The following ANLN variants were observed in gnomAD, a reference collection of about 807,000 sequenced individuals.
ANLN encodes the protein anillin, actin binding protein.
In ANLN, 59 loss-of-function variants were observed where a neutral mutation model predicts 135.1. The observed-to-expected ratio is 0.44, with a 90% CI of 0.35 to 0.54. ANLN has a LOEUF of 0.54. Ranked by LOEUF, ANLN falls within the 20% of genes least tolerant of loss-of-function variation. The pLI is 0.00. For synonymous variants in ANLN, 406 were observed against 456.4 expected (o/e 0.89, Z 1.41); for missense variants, 1,182 against 1,340.0 (o/e 0.88, Z 1.84).
chr7:36,422,283 TTCTCTC>T (rs10560737), intron 13 of ANLN, among the ~76,000 whole-genome samples: 5 of 150,074 alleles, frequency 3.3e-5, no homozygotes, highest in South Asian at 2.1e-4. Context: ...TACACATACA[TTCTCTC>T]TCTCTCTCTC....
At chr7:36,452,419 T>C in intron 23 of ANLN, 58 bp from the exon 24 acceptor site, 4 of 1,606,872 alleles carry the variant, frequency 2.5e-6, no homozygotes, top group Non-Finnish European at 2.6e-6. Flanking sequence ...CAAGAGTACA[T>C]GGGGGTATGG....
chr7:36,449,487 G>T, intron 22 of ANLN, 178 bp from the exon 23 acceptor site: 5 of 489,686 alleles, frequency 1.0e-5, no homozygotes, highest in Non-Finnish European at 1.4e-5. Context: ...TTATTTTTAT[G>T]TCTAGCTAGG....
At chr7:36,414,717 G>A (rs1022881569) in intron 7 of ANLN, among the ~76,000 whole-genome samples, 2 of 152,132 alleles carry the variant, frequency 1.3e-5, no homozygotes, top group Admixed American at 6.5e-5. Context: ...AAATTTTTAT[G>A]TATTTTTTAA....
chr7:36,425,076 T>C (rs1169572314), intron 17 of ANLN, among the ~76,000 whole-genome samples: 1 of 152,162 alleles, frequency 6.6e-6, no homozygotes, highest in African/African-American at 2.4e-5. Flanking sequence ...TTAATAATTA[T>C]GTGGTCACTT....
chr7:36,420,786 A>G (rs914431218), intron 12 of ANLN, 42 bp downstream of exon 12: 7 of 1,605,826 alleles, frequency 4.4e-6, no homozygotes, highest in Non-Finnish European at 6.0e-6. Flanking sequence ...TGTTTCTTGC[A>G]CTAGGCTGTG....
In ANLN at chr7:36,432,282, C is replaced by G. The variant is rs985495490; in HGVS notation, c.2883+5254C>G. On this transcript the variant is annotated intron_variant, in intron 20 of 23. Transcript: ENST00000265748. ...TTCAGGCAGATATCCTTTTTCTTCA[C>G]TGATTTTCTTAATGGTGTCTGGGAA... Among the ~76,000 whole-genome samples, 5 of 152,170 alleles carry G rather than the reference C, an allele frequency of 3.3e-5. No individual in the cohort carries two copies. The South Asian group carries it at 1.0e-3, about 32-fold the overall frequency.
intron 12 of ANLN, among the ~76,000 whole-genome samples, chr7:36,421,656 A>G (rs1027970593): frequency 1.3e-5 from 2 of 152,186 alleles, no homozygotes; most frequent in African/African-American, 4.8e-5. Flanking sequence ...TTTCATAAGG[A>G]ATAATATTTA....
intron 1 of ANLN, among the ~76,000 whole-genome samples, chr7:36,391,148 A>G (rs892422292): frequency 1.3e-5 from 2 of 152,238 alleles, no homozygotes; most frequent in Non-Finnish European, 2.9e-5. Context: ...ATCTTGGGAC[A>G]AATACATCAA....
At position 36,407,916 on chromosome 7, in the gene ANLN, T is replaced by A. The variant is rs1170688442; in HGVS notation, c.1056T>A (p.Ile352=). ...CCAAGGGAGAATTAAGTAGAGAAAT[T>A]TGTCTGCAATCTCAATCTAAAGACA... The part of the protein sequence containing the change: ...VPSKGELSRE[I]CLQSQSKDKS... Residue 352 remains isoleucine, a synonymous_variant, in exon 5 of 24, where the codon ATT becomes ATA. Coordinates refer to ENST00000265748, the MANE Select transcript of ANLN (RefSeq NM_018685.5). 6.2e-7 allele frequency: 1 copy of A among 1,613,724 alleles called. No homozygotes were observed. The highest frequency in any genetic ancestry group is 1.1e-5 in the South Asian group (1 of 91,050).
intron 20 of ANLN, among the ~76,000 whole-genome samples, chr7:36,438,189 G>T (rs1312250178): frequency 6.6e-6 from 1 of 152,150 alleles, no homozygotes; most frequent in Non-Finnish European, 1.5e-5. Context: ...CATCACTCTT[G>T]GTGGGTGTGG....
chr7:36,422,537 T>TA, intron 13 of ANLN, 96 bp from the exon 14 acceptor site: 2 of 1,095,000 alleles, frequency 1.8e-6, no homozygotes, highest in South Asian at 1.8e-5. Context: ...TCTTCGCTGT[T>TA]ACGTACAGTT....
At position 36,410,613 on chromosome 7, in the gene ANLN, T is replaced by C; in HGVS notation, c.1196T>C (p.Ile399Thr). Residue 399 changes from isoleucine to threonine, a missense_variant, in exon 6 of 24, where the codon ATT (isoleucine) becomes ACT (threonine). Physicochemically the swap from Ile to Thr is moderately conservative, Grantham distance 89 (BLOSUM62 -1). Transcript: ENST00000265748. ...CGTAGCACACCCCACAGAACCCCCATTATTACTCCAAATACAAAGGCCATC... is the reference window on the plus strand; with the variant it reads ...CGTAGCACACCCCACAGAACCCCCACTATTACTCCAAATACAAAGGCCATC... ...PARSTPHRTP[I>T]ITPNTKAIQE... is the part of the protein sequence containing the mutation. 1.9e-6 allele frequency: 3 copies of C among 1,614,070 alleles called. No homozygotes were observed. The highest frequency in any genetic ancestry group is 2.5e-6 in the Non-Finnish European group (3 of 1,180,012).
At chr7:36,399,501 TA>T in intron 3 of ANLN, 108 bp downstream of exon 3, 3 of 1,028,524 alleles carry the variant, frequency 2.9e-6, no homozygotes, top group East Asian at 2.7e-5. Context: ...GCTTTTGTTT[TA>T]TCTATATGTT....
Position 36,420,613 on chromosome 7 carries a change from T to G in ANLN, c.2032T>G (p.Ser678Ala). The G allele has an allele frequency of 6.2e-7, 1 of 1,612,958 alleles. No individual in the cohort carries two copies. The highest frequency in any genetic ancestry group is 8.5e-7 in the Non-Finnish European group (1 of 1,179,034). Residue 678 changes from serine (S) to alanine (A), a missense_variant, in exon 12 of 24, where the codon TCT (serine) becomes GCT (alanine). This residue lies in a region of ANLN where 1,022 missense variants were observed against 1,134.0 expected (regional missense o/e 0.90). Coordinates refer to ENST00000265748, the MANE Select transcript of ANLN (RefSeq NM_018685.5). ...DLLYSIDAYRSQRFKETERPS... is the reference protein window; with the variant it reads ...DLLYSIDAYRAQRFKETERPS... ...CTCTTGAAGCATTGATGCATATAGA[T>G]CTCAAAGATTCAAAGAAACAGAACG...
At chr7:36,405,902 T>G (rs1019624087) in intron 3 of ANLN, among the ~76,000 whole-genome samples, 4 of 152,180 alleles carry the variant, frequency 2.6e-5, no homozygotes. Flanking sequence ...ATACCACCAT[T>G]AATTCATTCT....
chr7:36,442,428 ATCTGTGACTGCT>A (rs1788811231), intron 21 of ANLN, among the ~76,000 whole-genome samples: 1 of 152,150 alleles, frequency 6.6e-6, no homozygotes, highest in South Asian at 2.1e-4. Flanking sequence ...CTTACTTAGC[ATCTGTGACTGCT>A]TCTGTGCCAC....
chr7:36,420,840 C>T (rs980049805), intron 12 of ANLN, 96 bp downstream of exon 12: 1 of 1,303,886 alleles, frequency 7.7e-7, no homozygotes, highest in Non-Finnish European at 1.1e-6. Context: ...ATCTCTGAAC[C>T]CTGAGTGGCC....
At chr7:36,391,521 G>A (rs764523405) in intron 1 of ANLN, among the ~76,000 whole-genome samples, 1 of 152,218 alleles carries the variant, frequency 6.6e-6, no homozygotes, top group Non-Finnish European at 1.5e-5. Context: ...ATCACTTGCA[G>A]TTGGAAAAAC....
At chr7:36,407,526 C>T (rs1787239504) in intron 4 of ANLN, among the ~76,000 whole-genome samples, 1 of 152,062 alleles carries the variant, frequency 6.6e-6, no homozygotes, top group African/African-American at 2.4e-5. Flanking sequence ...GACTAACCCA[C>T]ATATTATGAT....
Sources: allele counts gnomAD v4.1 joint callset (sites outside exome capture counted in the v4.1 genomes callset), GRCh38; gene constraint gnomAD v4.1.1; regional missense constraint gnomAD v4.1.1; transcripts MANE v1.5; gene names NCBI Gene and HGNC (gene_info 2026-07-23, HGNC 2026-07-21).